The following EDA variants were observed in gnomAD, a reference collection of about 807,000 sequenced individuals.
EDA encodes ectodysplasin A.
Under a neutral mutation model 23.6 loss-of-function variants are expected in EDA, and 2 were observed. The observed-to-expected ratio is 0.08, with a 90% CI of 0.03 to 0.27. The LOEUF is 0.27. Among genes scored for constraint, EDA ranks in the 10% least tolerant of loss-of-function variants. The pLI, the probability that EDA is intolerant of heterozygous loss-of-function variation, is 1.00. For missense variants in EDA, 229 were observed against 324.2 expected (o/e 0.71, Z 2.26); for synonymous variants, 131 against 132.0 (o/e 0.99, Z 0.05).
intron 1 of EDA, among the ~76,000 whole-genome samples, chrX:69,704,185 C>T (rs1040890092): frequency 6.3e-5 from 7 of 111,658 alleles, no homozygotes; most frequent in African/African-American, 2.3e-4. Context: ...GTAATATGTA[C>T]ATTGATTTGG....
At chrX:69,982,422 A>C (rs1602584033) in intron 2 of EDA, among the ~76,000 whole-genome samples, 1 of 111,120 alleles carries the variant, frequency 9.0e-6, no homozygotes, top group Non-Finnish European at 1.9e-5. Context: ...TGATTGGTTT[A>C]ACACTCCACA....
At chrX:69,844,937 TTGTGGAATGTGTAGTTA>T (rs1489873468) in intron 1 of EDA, among the ~76,000 whole-genome samples, 28 of 112,018 alleles carry the variant, frequency 2.5e-4, no homozygotes, top group African/African-American at 8.1e-4. Context: ...AATTTGATTC[TTGTGGAATGTGTAGTTA>T]AAGTCTTGAT....
chrX:69,882,988 G>A (rs191440022), intron 1 of EDA, among the ~76,000 whole-genome samples: 40 of 112,410 alleles, frequency 3.6e-4, no homozygotes, highest in African/African-American at 1.2e-3. Context: ...GATTACAGGC[G>A]TGAGCCACTG....
At chrX:69,679,032 G>T (rs1934224257) in intron 1 of EDA, among the ~76,000 whole-genome samples, 1 of 94,001 alleles carries the variant, frequency 1.1e-5, no homozygotes, top group South Asian at 5.7e-4. Context: ...TTAGCATGAA[G>T]GGTTGTTGAA....
At chrX:69,670,730 G>T (rs1374429730) in intron 1 of EDA, among the ~76,000 whole-genome samples, 1 of 108,545 alleles carries the variant, frequency 9.2e-6, no homozygotes, top group Non-Finnish European at 1.9e-5. Flanking sequence ...TTTGCTGATT[G>T]AACTTTTCAG....
chrX:70,005,024 A>G (rs2019784710), intron 2 of EDA, among the ~76,000 whole-genome samples: 2 of 111,777 alleles, frequency 1.8e-5, no homozygotes, highest in Non-Finnish European at 3.8e-5. Flanking sequence ...TGAGCCCAGG[A>G]GGTTAAGGCT....
At chrX:69,689,301 C>CTT (rs201309371) in intron 1 of EDA, among the ~76,000 whole-genome samples, 34,704 of 97,256 alleles carry the variant, frequency 0.36, 5,449 homozygotes, top group Middle Eastern at 0.54. Context: ...ATGTGCCATG[C>CTT]TTTTTTTTTT....
chrX:69,943,244 G>A (rs760824098), intron 1 of EDA, among the ~76,000 whole-genome samples: 4 of 111,149 alleles, frequency 3.6e-5, no homozygotes, highest in East Asian at 2.8e-4. Flanking sequence ...GATATTCATC[G>A]ATGTCTGGGC....
At chrX:69,819,741 T>C (rs936757953) in intron 1 of EDA, among the ~76,000 whole-genome samples, 1 of 110,911 alleles carries the variant, frequency 9.0e-6, no homozygotes, top group African/African-American at 3.3e-5. Context: ...CACAAACAAA[T>C]GGAGAAACAT....
At chrX:69,833,632 T>G (rs1353054518) in intron 1 of EDA, among the ~76,000 whole-genome samples, 1 of 111,079 alleles carries the variant, frequency 9.0e-6, no homozygotes, top group Non-Finnish European at 1.9e-5. Flanking sequence ...CAGCTCCTCT[T>G]TGTACCTCTG....
intron 1 of EDA, among the ~76,000 whole-genome samples, chrX:69,932,330 T>A (rs758769922): frequency 2.3e-4 from 26 of 111,664 alleles, no homozygotes; most frequent in Non-Finnish European, 4.5e-4. Flanking sequence ...AACTTAAATA[T>A]GTACAATTTG....
chrX:69,689,301 C>T lies in EDA; in HGVS notation c.396+72597C>T, dbSNP rs866211043. Among the ~76,000 whole-genome samples the T allele has an allele frequency of 4.1e-5, 4 of 97,358 alleles. No homozygotes were observed. The Admixed American group carries it at 4.7e-4, about 11-fold the overall frequency. 84.5% of individuals were successfully genotyped at this position (97,358 alleles called of 115,157 possible). Reference sequence around the variant, plus strand: ...GTTACATATGTATACATGTGCCATGCTTTTTTTTTTTTGAGACGGAGTCTT... The same window carrying T: ...GTTACATATGTATACATGTGCCATGTTTTTTTTTTTTTGAGACGGAGTCTT... On this transcript the variant is annotated intron_variant, in intron 1 of 7. Coordinates refer to ENST00000374552, the MANE Select transcript of EDA (RefSeq NM_001399.5).
intron 1 of EDA, among the ~76,000 whole-genome samples, chrX:69,915,092 T>G (rs2018320953): frequency 8.9e-6 from 1 of 112,084 alleles, no homozygotes; most frequent in Non-Finnish European, 1.9e-5. Context: ...TAATTCAGAT[T>G]ATTCTCCTCC....
chrX:69,706,601 A>G (rs1332469503), intron 1 of EDA, among the ~76,000 whole-genome samples: 1 of 92,653 alleles, frequency 1.1e-5, no homozygotes, highest in Non-Finnish European at 2.1e-5. Context: ...ACATTGGTTC[A>G]GTCCAGAAAG....
intron 1 of EDA, among the ~76,000 whole-genome samples, chrX:69,918,914 T>C (rs577436322): frequency 4.5e-5 from 5 of 110,885 alleles, no homozygotes; most frequent in African/African-American, 1.3e-4. Context: ...AACCCATAGC[T>C]GATAGATAAG....
intron 2 of EDA, among the ~76,000 whole-genome samples, chrX:69,990,448 A>ATCTACTGATTGATCGCTATCTACT (rs1569395530): frequency 9.0e-6 from 1 of 111,201 alleles, no homozygotes; most frequent in African/African-American, 3.3e-5. Flanking sequence ...ACTGATAGCT[A>ATCTACTGATTGATCGCTATCTACT]GACCAGTTCC....
At chrX:69,929,752 GTGA>G in intron 1 of EDA, among the ~76,000 whole-genome samples, 1 of 99,600 alleles carries the variant, frequency 1.0e-5, no homozygotes. Flanking sequence ...GTGTGTGTGT[GTGA>G]TGTATAATGC....
intron 1 of EDA, among the ~76,000 whole-genome samples, chrX:69,792,945 T>G (rs933982516): frequency 3.6e-5 from 4 of 112,476 alleles, no homozygotes; most frequent in African/African-American, 1.3e-4. Context: ...TTATTTCTTT[T>G]GCTGTGCAGA....
chrX:69,964,535 G>A (rs1469503825), intron 2 of EDA, among the ~76,000 whole-genome samples: 1 of 111,921 alleles, frequency 8.9e-6, no homozygotes, highest in South Asian at 3.7e-4. Flanking sequence ...AGCTAGGCTA[G>A]TTTTAGCCAA....
Sources: gnomAD v4.1 joint callset for allele counts (sites outside exome capture counted in the v4.1 genomes callset) on GRCh38, gnomAD v4.1.1 for gene constraint, MANE v1.5 for transcripts, NCBI Gene and HGNC (gene_info 2026-07-23, HGNC 2026-07-21) for gene names.